The following GRM7 variants were observed in gnomAD, a reference collection of about 807,000 sequenced individuals.
GRM7 encodes metabotropic glutamate receptor 7.
A neutral mutation model predicts 84.5 loss-of-function variants in GRM7; 35 were observed. The observed-to-expected ratio is 0.41, with a 90% CI of 0.32 to 0.55. GRM7 has a LOEUF of 0.55. Among genes scored for constraint, GRM7 ranks in the 20% least tolerant of loss-of-function variants. The pLI is 0.19. For missense variants in GRM7, 1,003 were observed against 1,194.6 expected (o/e 0.84, Z 2.36); for synonymous variants, 487 against 455.1 (o/e 1.07, Z -0.89).
rs536770511 is a variant in GRM7, at chr3:7,578,538, C to T, written c.1632C>T (p.Thr544=). The T allele has an allele frequency of 1.9e-6, 3 of 1,613,994 alleles. No homozygotes were observed. Among genetic ancestry groups the T allele is most frequent in the African/African-American group, 2.7e-5 (2 of 75,028 alleles). The change falls in exon 8 of 10, where the codon ACC becomes ACT. Residue 544 remains threonine, a synonymous_variant. Coordinates refer to ENST00000357716, the MANE Select transcript of GRM7 (RefSeq NM_000844.4). ...KTQKGTPCCW[T]CEPCDGYQYQ... ...AGAAAGGAACTCCTTGCTGTTGGAC[C>T]TGTGAGCCTTGCGATGGTTACCAGT...
chr3:6,964,127 G>C (rs766588949), intron 1 of GRM7, among the ~76,000 whole-genome samples: 1 of 152,030 alleles, frequency 6.6e-6, no homozygotes, highest in East Asian at 1.9e-4. Context: ...AAATTTAAAG[G>C]CCTCTTGATA....
At chr3:7,542,816 G>A (rs1692952646) in intron 7 of GRM7, among the ~76,000 whole-genome samples, 1 of 152,058 alleles carries the variant, frequency 6.6e-6, no homozygotes, top group African/African-American at 2.4e-5. Context: ...AAAATTCTGG[G>A]ATTACAGGCG....
chr3:7,598,468 A>G (rs1434050782), intron 8 of GRM7, among the ~76,000 whole-genome samples: 1 of 152,200 alleles, frequency 6.6e-6, no homozygotes, highest in Non-Finnish European at 1.5e-5. Context: ...CATTCTCCCC[A>G]GCAAAGATAC....
chr3:7,629,956 G>A (rs1697793428), intron 8 of GRM7, among the ~76,000 whole-genome samples: 1 of 152,092 alleles, frequency 6.6e-6, no homozygotes, highest in Admixed American at 6.6e-5. Context: ...TTCATATTTT[G>A]TAACACATAC....
intron 7 of GRM7, among the ~76,000 whole-genome samples, chr3:7,545,233 CCT>C (rs1693087914): frequency 6.6e-6 from 1 of 152,214 alleles, no homozygotes; most frequent in African/African-American, 2.4e-5. Flanking sequence ...GATTTATTTT[CCT>C]CTTTTTATCT....
chr3:7,466,352 T>C (rs1257577238), intron 7 of GRM7, among the ~76,000 whole-genome samples: 1 of 152,152 alleles, frequency 6.6e-6, no homozygotes, highest in Non-Finnish European at 1.5e-5. Context: ...TCGAACTGGA[T>C]CTTTTGAAGG....
chr3:7,371,333 T>A (rs1694123619), intron 4 of GRM7, among the ~76,000 whole-genome samples: 1 of 152,136 alleles, frequency 6.6e-6, no homozygotes, highest in South Asian at 2.1e-4. Flanking sequence ...AGCACTAACC[T>A]AGGAGACGTA....
At chr3:7,590,922 G>C (rs922636430) in intron 8 of GRM7, among the ~76,000 whole-genome samples, 1 of 152,172 alleles carries the variant, frequency 6.6e-6, no homozygotes, top group Admixed American at 6.5e-5. Flanking sequence ...GTAAGGCCCT[G>C]CTCTGTCTCT....
intron 7 of GRM7, among the ~76,000 whole-genome samples, chr3:7,540,873 A>G (rs1469322478): frequency 6.6e-6 from 1 of 152,210 alleles, no homozygotes; most frequent in African/African-American, 2.4e-5. Context: ...ACACAGCAGT[A>G]AAAAGGAAAG....
chr3:7,067,291 C>T (rs1697703049), intron 1 of GRM7, among the ~76,000 whole-genome samples: 2 of 152,018 alleles, frequency 1.3e-5, no homozygotes, highest in South Asian at 4.1e-4. Flanking sequence ...CTCCAGAAAG[C>T]TCCTAGAACT....
At chr3:7,195,284 A>C (rs112466756) in intron 2 of GRM7, among the ~76,000 whole-genome samples, 38 of 152,308 alleles carry the variant, frequency 2.5e-4, no homozygotes, top group African/African-American at 8.7e-4. Flanking sequence ...TCAGTAAGCC[A>C]GCAAGACTGC....
intron 1 of GRM7, among the ~76,000 whole-genome samples, chr3:6,962,408 G>T (rs1436370926): frequency 1.3e-5 from 2 of 152,066 alleles, no homozygotes; most frequent in Non-Finnish European, 2.9e-5. Flanking sequence ...AGCTAAGCAG[G>T]AAACAGTATG....
At chr3:7,568,872 G>T (rs111471529) in intron 7 of GRM7, among the ~76,000 whole-genome samples, 1 of 151,992 alleles carries the variant, frequency 6.6e-6, no homozygotes, top group South Asian at 2.1e-4. Context: ...ATGCCTGAGC[G>T]CCCCCCCTCC....
intron 4 of GRM7, among the ~76,000 whole-genome samples, chr3:7,346,230 A>G (rs1692888964): frequency 6.6e-6 from 1 of 152,178 alleles, no homozygotes; most frequent in Non-Finnish European, 1.5e-5. Context: ...TATTGATCTC[A>G]GATTTTAACA....
intron 2 of GRM7, among the ~76,000 whole-genome samples, chr3:7,250,043 G>A (rs977301042): frequency 3.3e-5 from 5 of 152,088 alleles, no homozygotes; most frequent in East Asian, 1.9e-4. Flanking sequence ...CACGGTCCCC[G>A]CCCCTCATGT....
intron 1 of GRM7, among the ~76,000 whole-genome samples, chr3:7,041,962 G>A (rs1019609131): frequency 1.3e-5 from 2 of 152,176 alleles, no homozygotes; most frequent in African/African-American, 4.8e-5. Flanking sequence ...AAACACGAAA[G>A]GACTGCATTC....
intron 7 of GRM7, among the ~76,000 whole-genome samples, chr3:7,485,816 A>G (rs1385593139): frequency 6.6e-6 from 1 of 152,218 alleles, no homozygotes; most frequent in Non-Finnish European, 1.5e-5. Flanking sequence ...ATGCCACTGC[A>G]TGGAAGTTAA....
chr3:6,898,873 T>C (rs924639138), intron 1 of GRM7, among the ~76,000 whole-genome samples: 1 of 151,916 alleles, frequency 6.6e-6, no homozygotes, highest in Non-Finnish European at 1.5e-5. Flanking sequence ...GGAGCACTGA[T>C]AAGACCTTGG....
intron 1 of GRM7, chr3:6,892,482 T>C (rs1264273337): frequency 6.6e-6 from 1 of 152,206 alleles, no homozygotes; most frequent in Non-Finnish European, 1.5e-5. Flanking sequence ...TCAAATCAGC[T>C]GTATCTGGCT....
Sources: allele counts gnomAD v4.1 joint callset (sites outside exome capture counted in the v4.1 genomes callset), GRCh38; gene constraint gnomAD v4.1.1; transcripts MANE v1.5; gene names NCBI Gene and HGNC (gene_info 2026-07-23, HGNC 2026-07-21).